Variants in ADGRB3 observed in about 807,000 individuals in gnomAD.
ADGRB3 encodes the protein brain-specific angiogenesis inhibitor 3.
A neutral mutation model predicts 193.4 loss-of-function variants in ADGRB3; 37 were observed. The ratio of observed to expected loss-of-function variants is 0.19; its 90% CI spans 0.15 to 0.25. The LOEUF (loss-of-function observed/expected upper bound fraction) is 0.25, where lower values mean the gene tolerates loss of function less well. Among genes scored for constraint, ADGRB3 ranks in the 10% least tolerant of loss-of-function variants. ADGRB3 has a pLI of 1.00. For missense variants in ADGRB3, 1,637 were observed against 1,852.9 expected (o/e 0.88, Z 2.14); for synonymous variants, 690 against 644.2 (o/e 1.07, Z -1.08).
At chr6:68,719,445 A>T (rs1765538185) in intron 3 of ADGRB3, among the ~76,000 whole-genome samples, 1 of 151,810 alleles carries the variant, frequency 6.6e-6, no homozygotes, top group Non-Finnish European at 1.5e-5. Context: ...GGGCACAAAT[A>T]ATTACACCTC....
At chr6:68,695,399 A>T (rs964918665) in intron 3 of ADGRB3, among the ~76,000 whole-genome samples, 1 of 152,076 alleles carries the variant, frequency 6.6e-6, no homozygotes, top group Admixed American at 6.6e-5. Flanking sequence ...TCTTGCACTC[A>T]TTTACCACTA....
intron 3 of ADGRB3, among the ~76,000 whole-genome samples, chr6:68,778,970 CA>C (rs1372264188): frequency 1.3e-5 from 2 of 151,986 alleles, no homozygotes; most frequent in Non-Finnish European, 2.9e-5. Context: ...GGTAATGCAG[CA>C]AACAGTCACT....
chr6:68,939,126 C>T (rs942357291), intron 5 of ADGRB3, among the ~76,000 whole-genome samples: 2 of 152,084 alleles, frequency 1.3e-5, no homozygotes, highest in Non-Finnish European at 2.9e-5. Flanking sequence ...GGGATCAGAG[C>T]GCTTCTCCCC....
chr6:69,177,217 T>C (rs1350831222), intron 17 of ADGRB3, among the ~76,000 whole-genome samples: 2 of 152,092 alleles, frequency 1.3e-5, no homozygotes, highest in African/African-American at 4.8e-5. Flanking sequence ...GATGTTAGAT[T>C]ACTCATTTGA....
At chr6:69,281,364 A>C (rs536321155) in intron 20 of ADGRB3, among the ~76,000 whole-genome samples, 2 of 152,302 alleles carry the variant, frequency 1.3e-5, no homozygotes, top group South Asian at 4.1e-4. Context: ...ATTTTCCAGG[A>C]AACATTCAAT....
intron 3 of ADGRB3, among the ~76,000 whole-genome samples, chr6:68,685,763 C>T (rs548142796): frequency 4.1e-4 from 62 of 151,958 alleles, no homozygotes; most frequent in African/African-American, 1.4e-3. Context: ...CATGGTGGCA[C>T]GCGCCTGTAA....
chr6:69,308,431 A>G (rs888464941), intron 20 of ADGRB3, among the ~76,000 whole-genome samples: 11 of 149,164 alleles, frequency 7.4e-5, no homozygotes, highest in Non-Finnish European at 1.3e-4. Context: ...TAAATGAAGT[A>G]TAAATATTTG....
At chr6:68,803,522 C>A (rs970067686) in intron 3 of ADGRB3, among the ~76,000 whole-genome samples, 5 of 152,164 alleles carry the variant, frequency 3.3e-5, no homozygotes, top group Admixed American at 2.0e-4. Flanking sequence ...TATCACCTTA[C>A]AAATCTTCTA....
intron 29 of ADGRB3, among the ~76,000 whole-genome samples, chr6:69,361,716 C>T (rs1220583201): frequency 1.3e-5 from 2 of 151,772 alleles, no homozygotes; most frequent in Admixed American, 6.6e-5. Flanking sequence ...AGTGTATTAT[C>T]ATCCCCTTAT....
At chr6:68,995,429 T>C (rs911190299) in intron 11 of ADGRB3, among the ~76,000 whole-genome samples, 4 of 152,192 alleles carry the variant, frequency 2.6e-5, no homozygotes, top group African/African-American at 9.7e-5. Context: ...TGTGTGCAAG[T>C]TCAAGAAATT....
rs780848789 is a variant in ADGRB3 at position 68,639,127 on chromosome 6, C to G, written c.452C>G (p.Ser151Cys). 126 of 1,613,938 alleles carry G rather than the reference C, an allele frequency of 7.8e-5. No homozygotes were observed. Among genetic ancestry groups the G allele is most frequent in the Non-Finnish European group, 1.1e-4 (124 of 1,180,020 alleles). Residue 151 changes from serine (S) to cysteine (C), a missense_variant, in exon 3 of 32, where the codon TCT (serine) becomes TGT (cysteine). Ser to Cys is a moderately radical substitution (Grantham distance 112, BLOSUM62 -1). Coordinates refer to ENST00000370598, the MANE Select transcript of ADGRB3 (RefSeq NM_001704.3). ...AAAAAAGGGGAAGAAGATCAGAAAT[C>G]TTTTTTTGAGTTTTTGGTATTGAAC... Reference protein sequence around the residue: ...LQKKGEEDQKSFFEFLVLNKV... With the variant: ...LQKKGEEDQKCFFEFLVLNKV...
chr6:69,117,068 TA>T (rs1344297580), intron 17 of ADGRB3, among the ~76,000 whole-genome samples: 17 of 152,166 alleles, frequency 1.1e-4, no homozygotes, highest in Non-Finnish European at 1.5e-5. Context: ...ATAACTTGAA[TA>T]AAAATTAGGA....
intron 3 of ADGRB3, among the ~76,000 whole-genome samples, chr6:68,919,229 A>G (rs1562085919): frequency 6.6e-6 from 1 of 152,238 alleles, no homozygotes; most frequent in Non-Finnish European, 1.5e-5. Context: ...ATATTTTGAT[A>G]AGCCTAAAAC....
chr6:68,850,460 C>T (rs946659372), intron 3 of ADGRB3, among the ~76,000 whole-genome samples: 5 of 151,780 alleles, frequency 3.3e-5, no homozygotes, highest in Middle Eastern at 3.2e-3. Flanking sequence ...CTGCAGCTAC[C>T]CTCATGTTTT....
chr6:69,375,777 T>G (rs1477100292), intron 30 of ADGRB3, among the ~76,000 whole-genome samples: 1 of 151,974 alleles, frequency 6.6e-6, no homozygotes, highest in Non-Finnish European at 1.5e-5. Flanking sequence ...ACCCCATCTC[T>G]ACTGAAAATA....
chr6:68,667,911 GAACAATTCCAGCCAC>G (rs936296408), intron 3 of ADGRB3, among the ~76,000 whole-genome samples: 3 of 151,792 alleles, frequency 2.0e-5, no homozygotes, highest in Non-Finnish European at 2.9e-5. Flanking sequence ...CAGCTACACT[GAACAATTCCAGCCAC>G]ACCAGCCTCG....
At chr6:69,146,597 G>A (rs907472159) in intron 17 of ADGRB3, among the ~76,000 whole-genome samples, 1 of 152,220 alleles carries the variant, frequency 6.6e-6, no homozygotes, top group Non-Finnish European at 1.5e-5. Flanking sequence ...TCTGAAGGGG[G>A]CAGGACTTCC....
At chr6:68,784,106 C>T (rs552490725) in intron 3 of ADGRB3, among the ~76,000 whole-genome samples, 1 of 152,194 alleles carries the variant, frequency 6.6e-6, no homozygotes, top group South Asian at 2.1e-4. Context: ...TAATTATATA[C>T]TTTATTATAA....
chr6:69,181,748 G>A lies in ADGRB3; in HGVS notation c.2481-51542G>A, dbSNP rs968125606. Among the ~76,000 whole-genome samples, 7 of 152,118 alleles carry A rather than the reference G, an allele frequency of 4.6e-5. No homozygotes were observed. In the East Asian group the frequency reaches 1.3e-3, roughly 29 times the overall value. On this transcript the variant is annotated intron_variant, in intron 17 of 31. Coordinates refer to ENST00000370598, the MANE Select transcript of ADGRB3 (RefSeq NM_001704.3). ...TAAACTATTTGGAAACTGCTTTTATGTAGCCATAAATATATTCTCCTTTCT... is the reference window on the plus strand; with the variant it reads ...TAAACTATTTGGAAACTGCTTTTATATAGCCATAAATATATTCTCCTTTCT...
Sources: gnomAD v4.1 joint callset for allele counts (sites outside exome capture counted in the v4.1 genomes callset) on GRCh38, gnomAD v4.1.1 for gene constraint, MANE v1.5 for transcripts, NCBI Gene and HGNC (gene_info 2026-07-23, HGNC 2026-07-21) for gene names.